KCNAB2: variants seen among roughly 807,000 people sequenced by gnomAD.
KCNAB2 encodes the protein voltage-gated potassium channel subunit beta-2.
KCNAB2 carries 29 observed loss-of-function variants against 63.6 expected under a neutral mutation model. The observed-to-expected ratio is 0.46, with a 90% confidence interval of 0.34 to 0.62. KCNAB2 has a LOEUF of 0.62. Ranked by LOEUF, KCNAB2 falls within the 20% of genes least tolerant of loss-of-function variation. The probability of loss-of-function intolerance (pLI) is 0.01; values close to 1 mark genes in which losing one functional copy is unlikely to be tolerated. For missense variants in KCNAB2, 359 were observed against 563.9 expected, an observed-to-expected ratio of 0.64 and a Z score of 3.68; for synonymous variants, 222 against 224.2, an observed-to-expected ratio of 0.99 and a Z score of 0.09.
intron 1 of KCNAB2, among the ~76,000 whole-genome samples, chr1:6,001,205 A>T (rs910204520): frequency 6.6e-6 from 1 of 151,996 alleles, no homozygotes; most frequent in Non-Finnish European, 1.5e-5. Flanking sequence ...GGGAAGCTGA[A>T]CAGGGTCCCT....
At position 6,082,260 on chromosome 1, in the gene KCNAB2, C is replaced by G. The variant is rs1430549784; in HGVS notation, c.366C>G (p.Val122=). 1.2e-6 allele frequency: 2 copies of G among 1,612,936 alleles called. No homozygotes were observed. Among genetic ancestry groups the G allele is most frequent in the Non-Finnish European group, 8.5e-7 (1 of 1,179,446 alleles). ...TCAACCTCTTCGATACAGCAGAAGTCTACGCAGCCGGCAAGTACGTGTCTT... is the reference window on the plus strand; with the variant it reads ...TCAACCTCTTCGATACAGCAGAAGTGTACGCAGCCGGCAAGTACGTGTCTT... ...NGINLFDTAE[V]YAAGKAEVVL... is the part of the protein sequence containing the mutation. Residue 122 remains valine (V), a synonymous_variant, in exon 5 of 16, where the codon GTC becomes GTG. Transcript: ENST00000378083.
At chr1:6,008,559 G>C (rs1426426327) in intron 1 of KCNAB2, among the ~76,000 whole-genome samples, 1 of 149,474 alleles carries the variant, frequency 6.7e-6, no homozygotes, top group Non-Finnish European at 1.5e-5. Flanking sequence ...TGGCGTGGTG[G>C]AAGTTGCAAT....
Position 6,046,188 on chromosome 1 carries a change from G to A in KCNAB2, c.-27+5G>A. On this transcript the variant is annotated splice_donor_5th_base_variant and intron_variant, in intron 1 of 15. Transcript: ENST00000378083. ...CAGACGCCCCCACGAAGGCAGGTGA[G>A]TCCTCCCTTCAGCCGCTACCTTCCT... The A allele has an allele frequency of 1.0e-6, 1 of 985,428 alleles. No homozygotes were observed. Among genetic ancestry groups the A allele is most frequent in the Non-Finnish European group, 1.2e-6 (1 of 829,920 alleles). The allele number at this position is 985,428 out of a possible 1,614,324, so 61.0% of individuals were successfully genotyped here. A position where few individuals can be genotyped will look rare whatever the true frequency, so the allele number is the denominator to read the frequency against.
chr1:6,037,772 C>T (rs1660163393), intron 1 of KCNAB2, among the ~76,000 whole-genome samples: 1 of 152,006 alleles, frequency 6.6e-6, no homozygotes, highest in African/African-American at 2.4e-5. Flanking sequence ...CCCCCCAGTG[C>T]TGCAGGGATT....
At chr1:6,005,813 A>G (rs1312616320) in intron 1 of KCNAB2, among the ~76,000 whole-genome samples, 3 of 151,794 alleles carry the variant, frequency 2.0e-5, no homozygotes, top group Admixed American at 6.6e-5. Context: ...TTCCCCTGGC[A>G]GGGACCACGG....
rs186397083 is a variant in KCNAB2 at position 6,087,157 on chromosome 1, C to A, written c.426-310C>A. On this transcript the variant is annotated intron_variant, in intron 6 of 15. Coordinates refer to ENST00000378083, the MANE Select transcript of KCNAB2 (RefSeq NM_001199862.2). This position sits in a 1 kb window ranked among gnomAD's most constrained non-coding sequence, Gnocchi z 6.4. ...CCTCATAGTCCCTGAGCCAGGCCCC[C>A]CTCCCACATCCTGGGCGGAAGGCAT... Among the ~76,000 whole-genome samples the A allele has an allele frequency of 9.2e-5, 14 of 152,284 alleles. No homozygotes were observed. Among genetic ancestry groups the A allele is most frequent in the Admixed American group, 3.3e-4 (5 of 15,296 alleles).
rs183896872 is a variant in KCNAB2, at chr1:6,006,629, A to T, written c.-53+13841A>T. ...CTCAGCTCCCACATCCCCCCACTCC[A>T]CCCTCACCCCTCAGCTCAGGTCCCA... On this transcript the variant is annotated intron_variant, in intron 1 of 16. Transcript: ENST00000341524. 1.4e-3 allele frequency among the ~76,000 whole-genome samples: 7 copies of T among 5,018 alleles called. 1 individual carries two copies. Among genetic ancestry groups the T allele is most frequent in the Non-Finnish European group, 1.6e-3 (4 of 2,570 alleles). The allele number at this position is 5,018 out of a possible 152,430, so 3.3% of individuals were successfully genotyped here.
At chr1:6,072,677 C>A in intron 2 of KCNAB2, 78 bp from the exon 3 acceptor site, 2 of 1,476,404 alleles carry the variant, frequency 1.4e-6, no homozygotes, top group Non-Finnish European at 9.5e-7. Flanking sequence ...GGGTGGGGGG[C>A]TGGCCCTGGC....
chr1:5,995,380 C>T (rs999390442), intron 1 of KCNAB2, among the ~76,000 whole-genome samples: 1 of 152,226 alleles, frequency 6.6e-6, no homozygotes, highest in Non-Finnish European at 1.5e-5. Flanking sequence ...TATTTGAGCC[C>T]AGTTCATGCC....
chr1:6,058,063 C>T (rs1661991714), intron 2 of KCNAB2, among the ~76,000 whole-genome samples: 2 of 152,126 alleles, frequency 1.3e-5, no homozygotes, highest in Admixed American at 6.5e-5. Flanking sequence ...AAGTGAGGAT[C>T]ACTGAGCCCA....
intron 2 of KCNAB2, among the ~76,000 whole-genome samples, chr1:6,070,774 G>A (rs1663121395): frequency 6.6e-6 from 1 of 151,962 alleles, no homozygotes; most frequent in Admixed American, 6.6e-5. Flanking sequence ...TGAGGCATCG[G>A]GCCACTCCAT....
chr1:6,098,373 G>A (rs1665820141), intron 15 of KCNAB2, 112 bp from the exon 16 acceptor site: 1 of 1,512,774 alleles, frequency 6.6e-7, no homozygotes, highest in South Asian at 1.3e-5. Flanking sequence ...GATGTGATGG[G>A]GCAACCCGGG....
chr1:6,066,925 G>T (rs1307955759), intron 2 of KCNAB2, among the ~76,000 whole-genome samples: 3 of 152,236 alleles, frequency 2.0e-5, no homozygotes, highest in Non-Finnish European at 4.4e-5. Flanking sequence ...GCCCCCATCT[G>T]GCTCCCGGTG....
chr1:6,095,757 G>A (rs1665567064), intron 13 of KCNAB2, 133 bp downstream of exon 13: 1 of 812,614 alleles, frequency 1.2e-6, no homozygotes. Flanking sequence ...GGTCTGCTGG[G>A]GGCGGGCTCC....
rs915320537 is a variant in KCNAB2, at chr1:6,087,243, A to T, written c.426-224A>T. On this transcript the variant is annotated intron_variant, in intron 6 of 15. Coordinates refer to ENST00000378083, the MANE Select transcript of KCNAB2 (RefSeq NM_001199862.2). This position sits in a 1 kb window ranked among gnomAD's most constrained non-coding sequence, Gnocchi z 6.4. ...GTCCAACTCCCACTGCCTGACTCACAGTTACTGCCTCGGTGGCTGCCTCCT... is the reference window on the plus strand; with the variant it reads ...GTCCAACTCCCACTGCCTGACTCACTGTTACTGCCTCGGTGGCTGCCTCCT... Among the ~76,000 whole-genome samples the T allele has an allele frequency of 1.3e-5, 2 of 152,000 alleles. No homozygotes were observed. Among genetic ancestry groups the T allele is most frequent in the Non-Finnish European group, 2.9e-5 (2 of 67,990 alleles).
chr1:6,019,824 G>A (rs762565768), intron 1 of KCNAB2, among the ~76,000 whole-genome samples: 17 of 152,198 alleles, frequency 1.1e-4, no homozygotes, highest in African/African-American at 2.4e-4. Context: ...CAAAGGGCCC[G>A]GTTGTAGATG....
chr1:6,054,474 A>G (rs1354622405), intron 2 of KCNAB2, among the ~76,000 whole-genome samples: 2 of 152,342 alleles, frequency 1.3e-5, no homozygotes, highest in South Asian at 4.2e-4. Flanking sequence ...TACTAAAAAT[A>G]CAAAAATTAA....
intron 1 of KCNAB2, among the ~76,000 whole-genome samples, chr1:6,048,259 G>A (rs192031903): frequency 6.6e-6 from 1 of 152,172 alleles, no homozygotes; most frequent in East Asian, 1.9e-4. Flanking sequence ...GCTGGCCCCT[G>A]GTGGTGGATT....
chr1:6,043,473 A>G (rs1184759094), upstream of KCNAB2, among the ~76,000 whole-genome samples: 1 of 152,180 alleles, frequency 6.6e-6, no homozygotes, highest in Non-Finnish European at 1.5e-5. Flanking sequence ...CCTGGCCCCA[A>G]GGGAAGCTCT....
Sources: allele counts gnomAD v4.1 joint callset (sites outside exome capture counted in the v4.1 genomes callset), GRCh38; gene constraint gnomAD v4.1.1; non-coding constraint Gnocchi (gnomAD v3.1); transcripts MANE v1.5; gene names NCBI Gene and HGNC (gene_info 2026-07-23, HGNC 2026-07-21).